Variants in PTCH2 observed in about 807,000 individuals in gnomAD.
PTCH2 encodes protein patched homolog 2.
PTCH2 carries 96 observed loss-of-function variants against 117.9 expected under a neutral mutation model. The observed-to-expected ratio is 0.81, with a 90% CI of 0.69 to 0.96. The LOEUF (loss-of-function observed/expected upper bound fraction) is 0.96, where lower values mean the gene tolerates loss of function less well. PTCH2 is among the 50% of genes least tolerant of loss of function. The probability of loss-of-function intolerance (pLI) is 0.00; values close to 1 mark genes in which losing one functional copy is unlikely to be tolerated. For missense variants in PTCH2, 1,379 were observed against 1,562.5 expected (o/e 0.88, Z 1.98); for synonymous variants, 615 against 660.9 (o/e 0.93, Z 1.06).
rs181508787 is a variant in PTCH2 at position 44,826,241 on chromosome 1, C to G, written c.3114+9G>C. 1.2e-6 allele frequency: 2 copies of G among 1,613,758 alleles called. No homozygotes were observed. The highest frequency in any genetic ancestry group is 1.7e-6 in the Non-Finnish European group (2 of 1,179,920). ...CTGATTGGTCCCTCCCCGGGGTGCC[C>G]GTGCTCACCAGAGCCACGTGGACTG... On this transcript the variant is annotated intron_variant, in intron 19 of 21. Transcript: ENST00000372192. This position sits in a 1 kb window ranked among gnomAD's most constrained non-coding sequence, Gnocchi z 5.1.
Position 44,828,054 on chromosome 1 carries a change from A to T in PTCH2, c.1847T>A (p.Ile616Asn). The T allele has an allele frequency of 6.2e-7, 1 of 1,614,120 alleles. No individual in the cohort carries two copies. Among genetic ancestry groups the T allele is most frequent in the Non-Finnish European group, 8.5e-7 (1 of 1,180,002 alleles). The change falls in exon 14 of 22, where the codon ATC (isoleucine) becomes AAC (asparagine). Residue 616 changes from isoleucine to asparagine, a missense_variant. By Grantham distance (149) the Ile-to-Asn change is moderately radical. Coordinates refer to ENST00000372192, the MANE Select transcript of PTCH2 (RefSeq NM_003738.5). ...CACCAGGTGGGCTTGGGGAGGCAGG[A>T]TGGTGACCACATGCTGGCTGCTGGC... is the stretch of plus-strand genomic sequence containing the variant. ...CEASSQHVVT[I>N]LPPQAHLVPP...
At chr1:44,821,890 T>A, downstream of PTCH2, 1 of 1,365,554 alleles carries the variant, frequency 7.3e-7, no homozygotes, top group Non-Finnish European at 9.8e-7. Flanking sequence ...AATGTTCACT[T>A]GCAAACTCCC....
At chr1:44,820,381 C>T, downstream of PTCH2, 1 of 594,548 alleles carries the variant, frequency 1.7e-6, no homozygotes, top group South Asian at 1.5e-5. Flanking sequence ...GGTTAAGGTC[C>T]TGTCCCGCCG....
chr1:44,837,972 C>T (rs1408107226), intron 2 of PTCH2, among the ~76,000 whole-genome samples: 1 of 151,752 alleles, frequency 6.6e-6, no homozygotes, highest in Non-Finnish European at 1.5e-5. Context: ...GTCCCAGCTA[C>T]TCAGAAGGCT....
Position 44,829,918 on chromosome 1 carries a change from T to A in PTCH2, c.926A>T (p.Glu309Val). The A allele has an allele frequency of 6.2e-7, 1 of 1,614,054 alleles. No individual in the cohort carries two copies. The highest frequency in any genetic ancestry group is 2.2e-5 in the East Asian group (1 of 44,874). ...CCAGAGGAGACCCTACCTCAGCAGC[T>A]CTCCTTGGGGGTCTCTGGCCATGCC... ...LGGMARDPQG[E>V]LLRAEALQST... Residue 309 changes from glutamate (E) to valine (V), a missense_variant, in exon 7 of 22, where the codon GAG (glutamate) becomes GTG (valine). Transcript: ENST00000372192.
At position 44,827,511 on chromosome 1, in the gene PTCH2, G is replaced by A. The variant is rs368434333; in HGVS notation, c.2262C>T (p.Arg754=). ...AGCGCTGGTGCAGATCAAAGAGGGC[G>A]CGTTGGGAGTGGGCGTAGTCAAAGC... ...QGGFDYAHSQ[R]ALFDLHQRFS... is the part of the protein sequence containing the mutation. Residue 754 remains arginine, a synonymous_variant, in exon 15 of 22, where the codon CGC becomes CGT. Coordinates refer to ENST00000372192, the MANE Select transcript of PTCH2 (RefSeq NM_003738.5). 1.2e-4 allele frequency: 200 copies of A among 1,613,980 alleles called. No homozygotes were observed. Among genetic ancestry groups the A allele is most frequent in the Non-Finnish European group, 1.6e-4 (186 of 1,180,022 alleles).
intron 19 of PTCH2, among the ~76,000 whole-genome samples, chr1:44,825,568 C>T (rs1437244473): frequency 6.6e-6 from 1 of 152,064 alleles, no homozygotes; most frequent in African/African-American, 2.4e-5. Flanking sequence ...GCTCTTTTGC[C>T]CAGGCTGGAG....
At chr1:44,821,747 G>A (rs1652921639), downstream of PTCH2, 2 of 1,269,490 alleles carry the variant, frequency 1.6e-6, no homozygotes, top group Non-Finnish European at 2.1e-6. Flanking sequence ...TTATCGTTTT[G>A]TATAGTAAGC....
downstream of PTCH2, chr1:44,821,675 C>CT (rs1444288434): frequency 1.1e-4 from 87 of 780,306 alleles, no homozygotes; most frequent in East Asian, 1.3e-4. Context: ...CAGTGGGGTT[C>CT]TTTTTTTTCT....
chr1:44,829,141 T>A lies in PTCH2; in HGVS notation c.1371+16A>T. The A allele has an allele frequency of 6.2e-7, 1 of 1,613,826 alleles. No homozygotes were observed. The highest frequency in any genetic ancestry group is 1.1e-5 in the South Asian group (1 of 91,076). ...CTGGTGACTGGCACTGAGTCTGCCC[T>A]GCAGTCCTGGCGTACCTGGGTAGTG... On this transcript the variant is annotated intron_variant, in intron 10 of 21. Transcript: ENST00000372192.
rs201491170 is a variant in PTCH2 at position 44,828,285 on chromosome 1, G to A, written c.1709+11C>T. The stretch of plus-strand genomic sequence containing the variant: ...GGTCACGGGAGGAAGGGGCTGGGGC[G>A]CAGGCAGTACCTGGAGAAGCAGCAG... On this transcript the variant is annotated intron_variant, in intron 13 of 21. Coordinates refer to ENST00000372192, the MANE Select transcript of PTCH2 (RefSeq NM_003738.5). 8.6e-5 allele frequency: 138 copies of A among 1,613,608 alleles called. 1 individual carries two copies. The South Asian group carries it at 1.2e-3, about 14-fold the overall frequency.
chr1:44,828,246 G>A (rs555039499), intron 13 of PTCH2, 50 bp downstream of exon 13: 3 of 1,612,510 alleles, frequency 1.9e-6, no homozygotes, highest in South Asian at 2.2e-5. Context: ...CTGGTGAGGG[G>A]ACAGGCTGGC....
chr1:44,824,195 G>C (rs1463657712), intron 19 of PTCH2, among the ~76,000 whole-genome samples: 1 of 152,220 alleles, frequency 6.6e-6, no homozygotes. Flanking sequence ...AGTGATAACA[G>C]TTACTTCTCA....
downstream of PTCH2, chr1:44,821,820 C>A: frequency 1.5e-6 from 2 of 1,361,046 alleles, no homozygotes; most frequent in African/African-American, 1.5e-5. Flanking sequence ...TCTTTTCCAC[C>A]CAGAACTAGA....
Position 44,831,810 on chromosome 1 carries a change from C to G in PTCH2, c.526-13G>C. Reference sequence around the variant, plus strand: ...GCTTCTCAATCATCTGCCAGGGATACCCCGGGCCACGTCAGTCCTGCCCCA... The same window carrying G: ...GCTTCTCAATCATCTGCCAGGGATAGCCCGGGCCACGTCAGTCCTGCCCCA... On this transcript the variant is annotated splice_polypyrimidine_tract_variant and intron_variant, in intron 4 of 21. Transcript: ENST00000372192. The surrounding 1 kb of genome is among the most constrained non-coding windows in gnomAD (Gnocchi z 4.3). 1 of 1,609,920 alleles carries G rather than the reference C, an allele frequency of 6.2e-7. No individual in the cohort carries two copies. The highest frequency in any genetic ancestry group is 8.5e-7 in the Non-Finnish European group (1 of 1,177,382).
chr1:44,835,627 T>C (rs1292319324), intron 2 of PTCH2, among the ~76,000 whole-genome samples: 1 of 152,166 alleles, frequency 6.6e-6, no homozygotes, highest in Non-Finnish European at 1.5e-5. Flanking sequence ...AAGTTTCACG[T>C]GTAAAGGCCT....
Position 44,829,987 on chromosome 1 carries a change from A to T in PTCH2, c.857T>A (p.Phe286Tyr), listed in dbSNP as rs767083161. ...AHELSGGCHG[F>Y]SHKFMHWQEE... ...CTGCCAGTGCATGAATTTGTGGGAG[A>T]AGCCATGGCAGCCCCCACTCAGCTC... Residue 286 changes from phenylalanine (F) to tyrosine (Y), a missense_variant, in exon 7 of 22, where the codon TTC becomes TAC. Transcript: ENST00000372192. 1.2e-6 allele frequency: 2 copies of T among 1,614,136 alleles called. No individual in the cohort carries two copies. The highest frequency in any genetic ancestry group is 1.1e-5 in the South Asian group (1 of 91,072).
Position 44,831,675 on chromosome 1 carries a change from G to T in PTCH2, c.617+31C>A. On this transcript the variant is annotated intron_variant, in intron 5 of 21. Transcript: ENST00000372192. This position sits in a 1 kb window ranked among gnomAD's most constrained non-coding sequence, Gnocchi z 4.3. ...TCTGCTGGGAGAGTCCCCAGCGGGA[G>T]ATGAAGCAGGGCCCCAGGAGTGGCA... The T allele has an allele frequency of 6.6e-7, 1 of 1,526,588 alleles. No homozygotes were observed. Among genetic ancestry groups the T allele is most frequent in the Non-Finnish European group, 8.9e-7 (1 of 1,123,780 alleles). 94.6% of individuals were successfully genotyped at this position (1,526,588 alleles called of 1,614,324 possible). A position where few individuals can be genotyped will look rare whatever the true frequency, so the allele number is the denominator to read the frequency against.
At chr1:44,834,778 G>A (rs1029322169) in intron 2 of PTCH2, among the ~76,000 whole-genome samples, 1 of 152,178 alleles carries the variant, frequency 6.6e-6, no homozygotes, top group Admixed American at 6.5e-5. Context: ...AGGAAGAGTC[G>A]ATAATGCTTA....
Sources: gnomAD v4.1 joint callset for allele counts (sites outside exome capture counted in the v4.1 genomes callset) on GRCh38, gnomAD v4.1.1 for gene constraint, Gnocchi (gnomAD v3.1) non-coding constraint, MANE v1.5 for transcripts, NCBI Gene and HGNC (gene_info 2026-07-23, HGNC 2026-07-21) for gene names.